Variants in G3BP1 observed in about 807,000 individuals in gnomAD.
G3BP1 encodes the protein G3BP stress granule assembly factor 1, also known as ras GTPase-activating protein-binding protein 1.
Under a neutral mutation model 58.6 loss-of-function variants are expected in G3BP1, and 35 were observed. The ratio of observed to expected loss-of-function variants is 0.60; its 90% CI spans 0.46 to 0.79. The LOEUF (loss-of-function observed/expected upper bound fraction) is 0.79. Ranked by LOEUF, G3BP1 falls within the 30% of genes least tolerant of loss-of-function variation. The pLI is 0.00. For missense variants in G3BP1, 523 were observed against 580.8 expected (o/e 0.90, Z 1.02); for synonymous variants, 191 against 195.4 (o/e 0.98, Z 0.19).
At chr5:151,783,953 G>A (rs1762515597) in intron 1 of G3BP1, among the ~76,000 whole-genome samples, 1 of 152,056 alleles carries the variant, frequency 6.6e-6, no homozygotes, top group African/African-American at 2.4e-5. Flanking sequence ...AGTAGAAATG[G>A]GGCTTCACCA....
rs78335381 is a variant in G3BP1 at position 151,788,620 on chromosome 5, T to A, written c.96-1703T>A. Among the ~76,000 whole-genome samples, 170 of 120,032 alleles carry A rather than the reference T, an allele frequency of 1.4e-3. 1 individual carries two copies. The highest frequency in any genetic ancestry group is 6.0e-3 in the Admixed American group (70 of 11,644). The allele number at this position is 120,032 out of a possible 152,430, so 78.7% of individuals were successfully genotyped here. A position where few individuals can be genotyped will look rare whatever the true frequency, so the allele number is the denominator to read the frequency against. On this transcript the variant is annotated intron_variant, in intron 2 of 11. Coordinates refer to ENST00000356245, the MANE Select transcript of G3BP1 (RefSeq NM_005754.3). ...TGTGTGTGTGTGTGTGTGTATTATT[T>A]ATTTATTTATTTTTAGTAGGTGGAG...
At chr5:151,791,240 G>T in intron 4 of G3BP1, 178 bp downstream of exon 4, 1 of 507,756 alleles carries the variant, frequency 2.0e-6, no homozygotes, top group Non-Finnish European at 3.6e-6. Context: ...GCCCACATGT[G>T]TATAATTCTT....
chr5:151,786,532 CT>C lies in G3BP1; in HGVS notation c.-49-39del, dbSNP rs879871761. 1.2e-5 allele frequency: 10 copies of C among 823,256 alleles called. No individual in the cohort carries two copies. In the Admixed American group the frequency reaches 1.9e-4, roughly 16 times the overall value. The allele number at this position is 823,256 out of a possible 1,614,324, so 51.0% of individuals were successfully genotyped here. On this transcript the variant is annotated intron_variant, in intron 1 of 11. Coordinates refer to ENST00000356245, the MANE Select transcript of G3BP1 (RefSeq NM_005754.3). ...GATCTTGTCTCTGAGTTGGTTTCAG[CT>C]AAATGATTCGGTCTTTTCCCCTGTG...
chr5:151,799,611 G>A (rs1363555908), intron 8 of G3BP1, among the ~76,000 whole-genome samples: 1 of 151,950 alleles, frequency 6.6e-6, no homozygotes, highest in African/African-American at 2.4e-5. Context: ...CTTGAGTCCC[G>A]GAGGTTGAGG....
chr5:151,783,003 G>T (rs143556243), intron 1 of G3BP1, among the ~76,000 whole-genome samples: 1 of 151,484 alleles, frequency 6.6e-6, no homozygotes, highest in Admixed American at 6.6e-5. Context: ...GATTACAGGC[G>T]CACGCCACCA....
intron 2 of G3BP1, 71 bp from the exon 3 acceptor site, chr5:151,790,252 C>T (rs1007734377): frequency 1.0e-5 from 8 of 770,460 alleles, no homozygotes; most frequent in Non-Finnish European, 1.7e-5. Context: ...AAAAAGTTTG[C>T]CAGTATCAGA....
chr5:151,804,108 A>G lies in G3BP1; in HGVS notation c.*17A>G. On this transcript the variant is annotated 3_prime_UTR_variant, in exon 12 of 12. Coordinates refer to ENST00000356245, the MANE Select transcript of G3BP1 (RefSeq NM_005754.3). The stretch of plus-strand genomic sequence containing the variant: ...CGGCAGTGAATCTTCATGGATCTTC[A>G]TGCAGCCATACAAACCCTGGTTCCA... 1.3e-6 allele frequency: 2 copies of G among 1,551,016 alleles called. No individual in the cohort carries two copies. The highest frequency in any genetic ancestry group is 2.4e-5 in the South Asian group (2 of 84,600).
chr5:151,791,182 G>T (rs1762646439), intron 4 of G3BP1, 120 bp downstream of exon 4: 2 of 826,004 alleles, frequency 2.4e-6, no homozygotes, highest in Non-Finnish European at 2.1e-6. Flanking sequence ...TGGAATAATA[G>T]TACACTAACT....
Position 151,805,977 on chromosome 5 carries a change from T to C in G3BP1, c.*1886T>C, listed in dbSNP as rs1762933510. ...ACAGAAGTTCTTCCTACTTGGAGAC[T>C]TAAGGGCATTAACTAGATGCAGCAA... On this transcript the variant is annotated 3_prime_UTR_variant, in exon 12 of 12. Transcript: ENST00000356245. The C allele has an allele frequency of 6.6e-6, 1 of 152,216 alleles. No individual in the cohort carries two copies. The highest frequency in any genetic ancestry group is 2.4e-5 in the African/African-American group (1 of 41,454). 9.4% of individuals were successfully genotyped at this position (152,216 alleles called of 1,614,324 possible).
At chr5:151,801,969 C>A (rs1476409435) in intron 11 of G3BP1, among the ~76,000 whole-genome samples, 2 of 152,066 alleles carry the variant, frequency 1.3e-5, no homozygotes, top group Admixed American at 1.3e-4. Flanking sequence ...CACCCGCCAC[C>A]ATGCCCAGCT....
chr5:151,806,863 C>T lies in G3BP1; in HGVS notation c.*2772C>T, dbSNP rs1221933295. On this transcript the variant is annotated 3_prime_UTR_variant, in exon 12 of 12. Coordinates refer to ENST00000356245, the MANE Select transcript of G3BP1 (RefSeq NM_005754.3). Reference sequence around the variant, plus strand: ...TGTCAGGCTGGTCTCAAGCTCCTGGCCTCATCAGTTCTCCTGCCTTCCAAG... The same window carrying T: ...TGTCAGGCTGGTCTCAAGCTCCTGGTCTCATCAGTTCTCCTGCCTTCCAAG... 4 of 152,082 alleles carry T rather than the reference C, an allele frequency of 2.6e-5. No homozygotes were observed. The highest frequency in any genetic ancestry group is 7.2e-5 in the African/African-American group (3 of 41,396). The allele number at this position is 152,082 out of a possible 1,614,324, so 9.4% of individuals were successfully genotyped here.
chr5:151,800,807 C>T lies in G3BP1; in HGVS notation c.1132C>T (p.Pro378Ser). ...ELRINSGGKL[P>S]NFGFVVFDDS... ...GCGCATTAACAGTGGTGGGAAATTA[C>T]CCAATTTTGGTTTTGTTGTGTTTGA... Residue 378 changes from proline to serine, a missense_variant, in exon 11 of 12, where the codon CCC (proline) becomes TCC (serine). Coordinates refer to ENST00000356245, the MANE Select transcript of G3BP1 (RefSeq NM_005754.3). 1 of 1,613,120 alleles carries T rather than the reference C, an allele frequency of 6.2e-7. No individual in the cohort carries two copies. Among genetic ancestry groups the T allele is most frequent in the African/African-American group, 1.3e-5 (1 of 74,904 alleles).
At chr5:151,800,906 T>G (rs1762839035) in intron 11 of G3BP1, 37 bp downstream of exon 11, 1 of 1,060,746 alleles carries the variant, frequency 9.4e-7, no homozygotes, top group East Asian at 2.4e-5. Flanking sequence ...TTTTTTTTTT[T>G]TTAAAAAGGG....
Position 151,791,437 on chromosome 5 carries a change from T to C in G3BP1, c.351+375T>C, listed in dbSNP as rs377580650. 4.0e-5 allele frequency: 7 copies of C among 174,836 alleles called. No homozygotes were observed. In the South Asian group the frequency reaches 8.9e-4, roughly 22 times the overall value. 10.8% of individuals were successfully genotyped at this position (174,836 alleles called of 1,614,324 possible). On this transcript the variant is annotated intron_variant, in intron 4 of 11. Transcript: ENST00000356245. ...CCAACATGGAATCTATAATTACACA[T>C]TGCATTTAGCTATCATGTCTCTAGT...
At chr5:151,796,874 A>C (rs1236707540) in intron 6 of G3BP1, among the ~76,000 whole-genome samples, 9 of 151,874 alleles carry the variant, frequency 5.9e-5, no homozygotes, top group Admixed American at 5.9e-4. Context: ...ATTGAATGGC[A>C]ACTTTCTTTC....
At position 151,803,945 on chromosome 5, in the gene G3BP1, A is replaced by C. The variant is rs1762901416; in HGVS notation, c.1255A>C (p.Arg419=). ...CGAAGAGAAGAAGACTCGAGCTGCC[A>C]GGGAAGGCGACCGACGAGATAATCG... ...NVEEKKTRAA[R]EGDRRDNRLR... is the part of the protein sequence containing the mutation. The change falls in exon 12 of 12, where the codon AGG becomes CGG. Residue 419 remains arginine, a synonymous_variant. Coordinates refer to ENST00000356245, the MANE Select transcript of G3BP1 (RefSeq NM_005754.3). 8.7e-6 allele frequency: 14 copies of C among 1,614,052 alleles called. No homozygotes were observed. The highest frequency in any genetic ancestry group is 2.7e-5 in the African/African-American group (2 of 75,040).
Position 151,799,814 on chromosome 5 carries a change from T to C in G3BP1, c.844-75T>C, listed in dbSNP as rs141253905. The C allele has an allele frequency of 3.6e-4, 298 of 821,738 alleles. No homozygotes were observed. In the African/African-American group the frequency reaches 4.8e-3, roughly 13 times the overall value. The allele number at this position is 821,738 out of a possible 1,614,324, so 50.9% of individuals were successfully genotyped here. On this transcript the variant is annotated intron_variant, in intron 8 of 11. Transcript: ENST00000356245. ...GTCCATTTTGTAGTTTAAAACTTGT[T>C]AGCTAAGAAACTTCATTAAGAAAAA...
intron 1 of G3BP1, among the ~76,000 whole-genome samples, chr5:151,781,502 C>G (rs1762470294): frequency 6.6e-6 from 1 of 152,170 alleles, no homozygotes; most frequent in Non-Finnish European, 1.5e-5. Flanking sequence ...TAGTTTTCAT[C>G]ATGTTTAGTA....
chr5:151,794,350 C>T (rs1762710959), intron 5 of G3BP1, 101 bp downstream of exon 5: 3 of 683,180 alleles, frequency 4.4e-6, no homozygotes, highest in South Asian at 3.4e-5. Context: ...TCATTACACT[C>T]TGTTCTTCAT....
Sources: gnomAD v4.1 joint callset for allele counts (sites outside exome capture counted in the v4.1 genomes callset) on GRCh38, gnomAD v4.1.1 for gene constraint, MANE v1.5 for transcripts, NCBI Gene and HGNC (gene_info 2026-07-23, HGNC 2026-07-21) for gene names.